The following RERE variants were observed in gnomAD, a reference collection of about 807,000 sequenced individuals.
RERE encodes the protein arginine-glutamic acid dipeptide repeats, also known as arginine-glutamic acid dipeptide repeats protein.
In RERE, 40 loss-of-function variants were observed where a neutral mutation model predicts 146.1. That is an observed-to-expected ratio of 0.27 (90% CI 0.21 to 0.36). RERE has a LOEUF of 0.36. Among genes scored for constraint, RERE ranks in the 10% least tolerant of loss-of-function variants. RERE has a pLI of 1.00. For missense variants in RERE, 1,933 were observed against 2,138.7 expected, an observed-to-expected ratio of 0.90 and a Z score of 1.90; for synonymous variants, 1,003 against 866.0, an observed-to-expected ratio of 1.16 and a Z score of -2.78.
chr1:8,385,485 C>T (rs1241696451), intron 12 of RERE, among the ~76,000 whole-genome samples: 1 of 152,092 alleles, frequency 6.6e-6, no homozygotes, highest in African/African-American at 2.4e-5. Context: ...CAGGCTACCA[C>T]GGAGTTTTAA....
At chr1:8,534,103 G>A (rs778383063) in intron 7 of RERE, among the ~76,000 whole-genome samples, 30 of 152,176 alleles carry the variant, frequency 2.0e-4, no homozygotes, top group African/African-American at 4.1e-4. Context: ...CAAAGACCAC[G>A]AGCTGTGGTG....
chr1:8,758,593 CGCCAA>C (rs1449412933), intron 1 of RERE, among the ~76,000 whole-genome samples: 6 of 151,578 alleles, frequency 4.0e-5, no homozygotes, highest in Non-Finnish European at 7.4e-5. Context: ...GACGAGGTCT[CGCCAA>C]GCTGGTCTCG....
rs191124689 is a variant in RERE, at chr1:8,624,685, G to C, written c.326-305C>G. Among the ~76,000 whole-genome samples the C allele has an allele frequency of 2.6e-3, 402 of 152,256 alleles. 2 individuals carry two copies. Among genetic ancestry groups the C allele is most frequent in the African/African-American group, 9.2e-3 (382 of 41,558 alleles). On this transcript the variant is annotated intron_variant, in intron 2 of 22. Transcript: ENST00000400908. ...ATCCATATTCAGATGAAGACATTTAGATAAAAGAAACCGCTTGCTCAAGAT... is the reference window on the plus strand; with the variant it reads ...ATCCATATTCAGATGAAGACATTTACATAAAAGAAACCGCTTGCTCAAGAT...
chr1:8,803,822 A>G (rs980191649), intron 1 of RERE, among the ~76,000 whole-genome samples: 1 of 151,992 alleles, frequency 6.6e-6, no homozygotes, highest in Non-Finnish European at 1.5e-5. Flanking sequence ...TCAGCCCCAC[A>G]AAGTGCTGGG....
At chr1:8,574,832 A>G (rs1489337055) in intron 4 of RERE, among the ~76,000 whole-genome samples, 1 of 152,214 alleles carries the variant, frequency 6.6e-6, no homozygotes, top group Non-Finnish European at 1.5e-5. Flanking sequence ...TTATTTCTTG[A>G]TACCAGAAGT....
At chr1:8,367,412 G>A (rs1010323434) in intron 12 of RERE, among the ~76,000 whole-genome samples, 2 of 152,140 alleles carry the variant, frequency 1.3e-5, no homozygotes, top group South Asian at 2.1e-4. Context: ...CCACGGCTGC[G>A]GTCCCTAAAG....
Position 8,358,871 on chromosome 1 carries a change from G to A in RERE, c.3664C>T (p.Leu1222Phe), listed in dbSNP as rs756974639. The change falls in exon 20 of 23, where the codon CTC (leucine) becomes TTC (phenylalanine). Residue 1222 changes from leucine to phenylalanine, a missense_variant. This residue lies in a region of RERE where 1,255 missense variants were observed against 1,153.8 expected (regional missense o/e 1.09). Coordinates refer to ENST00000400908, the MANE Select transcript of RERE (RefSeq NM_001042681.2). The part of the protein sequence containing the change: ...AHEGRLSDPQ[L>F]SGPGHMRPSF... Reference sequence around the variant, plus strand: ...GGCCGCATGTGGCCAGGACCACTGAGCTGTGGGTCACTGAGGCGACCTTCA... The same window carrying A: ...GGCCGCATGTGGCCAGGACCACTGAACTGTGGGTCACTGAGGCGACCTTCA... 8 of 1,577,930 alleles carry A rather than the reference G, an allele frequency of 5.1e-6. No homozygotes were observed. In the Admixed American group the frequency reaches 5.3e-5, roughly 11 times the overall value.
At position 8,800,855 on chromosome 1, in the gene RERE, T is replaced by C. The variant is rs557318659; in HGVS notation, c.-145+16305A>G. Among the ~76,000 whole-genome samples the C allele has an allele frequency of 2.0e-5, 3 of 152,178 alleles. No homozygotes were observed. The South Asian group carries it at 6.2e-4, about 32-fold the overall frequency. On this transcript the variant is annotated intron_variant, in intron 1 of 22. Coordinates refer to ENST00000400908, the MANE Select transcript of RERE (RefSeq NM_001042681.2). Reference sequence around the variant, plus strand: ...TGGCACACGCCTGTAGTCCCAGCTATTCGAGAGGCTGAGGCAGGAGAACCA... The same window carrying C: ...TGGCACACGCCTGTAGTCCCAGCTACTCGAGAGGCTGAGGCAGGAGAACCA...
intron 1 of RERE, among the ~76,000 whole-genome samples, chr1:8,785,331 G>A (rs1641240013): frequency 1.3e-5 from 2 of 152,158 alleles, no homozygotes; most frequent in Admixed American, 6.5e-5. Flanking sequence ...TACTAAACAG[G>A]TCTAGGCTAA....
At chr1:8,594,046 C>G (rs1053371400) in intron 4 of RERE, among the ~76,000 whole-genome samples, 7 of 152,164 alleles carry the variant, frequency 4.6e-5, no homozygotes, top group African/African-American at 1.7e-4. Context: ...AACAGCCAAT[C>G]CGAACAACAA....
At chr1:8,413,853 C>G (rs1447701938) in intron 12 of RERE, among the ~76,000 whole-genome samples, 1 of 151,410 alleles carries the variant, frequency 6.6e-6, no homozygotes, top group Non-Finnish European at 1.5e-5. Context: ...GTCGGGAGTT[C>G]AAGACCAGCC....
At chr1:8,721,776 C>G (rs903274692) in intron 1 of RERE, among the ~76,000 whole-genome samples, 4 of 152,184 alleles carry the variant, frequency 2.6e-5, no homozygotes, top group Non-Finnish European at 4.4e-5. Flanking sequence ...TCCTTTCTGA[C>G]TGCTTAAATA....
chr1:8,689,939 C>A (rs1319856987), intron 1 of RERE, among the ~76,000 whole-genome samples: 1 of 152,164 alleles, frequency 6.6e-6, no homozygotes, highest in Admixed American at 6.5e-5. Flanking sequence ...AAGGATGGAA[C>A]TAGAGGCCAG....
At chr1:8,654,537 C>G (rs1350501204) in intron 2 of RERE, among the ~76,000 whole-genome samples, 3 of 152,240 alleles carry the variant, frequency 2.0e-5, no homozygotes, top group African/African-American at 7.2e-5. Flanking sequence ...ACATCTCATA[C>G]AAAATTCATG....
chr1:8,733,392 C>A (rs1447747265), intron 1 of RERE, among the ~76,000 whole-genome samples: 4 of 152,212 alleles, frequency 2.6e-5, no homozygotes, highest in African/African-American at 9.7e-5. Flanking sequence ...AACCAGCCCA[C>A]AAAATGGCCC....
chr1:8,758,031 A>T (rs1448431666), intron 1 of RERE, among the ~76,000 whole-genome samples: 1 of 152,170 alleles, frequency 6.6e-6, no homozygotes, highest in East Asian at 1.9e-4. Context: ...TAAGTCAGAC[A>T]TAGAAAGACA....
chr1:8,360,570 G>A lies in RERE; in HGVS notation c.2937C>T (p.His979=), dbSNP rs773324446. The part of the protein sequence containing the change: ...LKPLSSLSTH[H]PPSAHPPPLQ... ...GGGGTGGGGGGTGAGCCGACGGGGGGTGATGTGTGGACAGGGAGCTCAGGG... is the reference window on the plus strand; with the variant it reads ...GGGGTGGGGGGTGAGCCGACGGGGGATGATGTGTGGACAGGGAGCTCAGGG... The change falls in exon 18 of 23, where the codon CAC becomes CAT. Residue 979 remains histidine (H), a synonymous_variant. Coordinates refer to ENST00000400908, the MANE Select transcript of RERE (RefSeq NM_001042681.2). The A allele has an allele frequency of 2.6e-6, 3 of 1,163,842 alleles. No homozygotes were observed. The highest frequency in any genetic ancestry group is 5.4e-5 in the Admixed American group (2 of 36,886). 72.1% of individuals were successfully genotyped at this position (1,163,842 alleles called of 1,614,324 possible).
At chr1:8,498,760 CACACACACATAT>C (rs1645085778) in intron 8 of RERE, among the ~76,000 whole-genome samples, 1 of 149,204 alleles carries the variant, frequency 6.7e-6, no homozygotes, top group African/African-American at 2.5e-5. Context: ...CACACACACA[CACACACACATAT>C]GTAGTTGAAT....
chr1:8,360,804 T>C lies in RERE; in HGVS notation c.2703A>G (p.Pro901=), dbSNP rs1641539634. The C allele has an allele frequency of 1.3e-6, 2 of 1,575,620 alleles. No individual in the cohort carries two copies. The highest frequency in any genetic ancestry group is 1.7e-6 in the Non-Finnish European group (2 of 1,166,600). The change falls in exon 18 of 23, where the codon CCA becomes CCG. Residue 901 remains proline, a synonymous_variant. Coordinates refer to ENST00000400908, the MANE Select transcript of RERE (RefSeq NM_001042681.2). ...AAYPHTSLQL[P]ASQSALQSQQ... Reference sequence around the variant, plus strand: ...GGGACTGCAGCGCTGACTGAGAGGCTGGCAGCTGCAGGGAGGTGTGAGGGT... The same window carrying C: ...GGGACTGCAGCGCTGACTGAGAGGCCGGCAGCTGCAGGGAGGTGTGAGGGT...
Sources: gnomAD v4.1 joint callset for allele counts (sites outside exome capture counted in the v4.1 genomes callset) on GRCh38, gnomAD v4.1.1 for gene constraint, gnomAD v4.1.1 regional missense constraint, MANE v1.5 for transcripts, NCBI Gene and HGNC (gene_info 2026-07-23, HGNC 2026-07-21) for gene names.